PTPRN2: variants seen among roughly 807,000 people sequenced by gnomAD.
PTPRN2 encodes the protein protein tyrosine phosphatase receptor type N2.
PTPRN2 carries 74 observed loss-of-function variants against 118.8 expected under a neutral mutation model. The ratio of observed to expected loss-of-function variants is 0.62; its 90% confidence interval spans 0.52 to 0.76. The LOEUF is 0.76. Among genes scored for constraint, PTPRN2 ranks in the 30% least tolerant of loss-of-function variants. The probability of loss-of-function intolerance (pLI) is 0.00; values close to 1 mark genes in which losing one functional copy is unlikely to be tolerated. For synonymous variants in PTPRN2, 641 were observed against 608.0 expected, an observed-to-expected ratio of 1.05 and a Z score of -0.80; for missense variants, 1,481 against 1,394.4, an observed-to-expected ratio of 1.06 and a Z score of -0.99.
At chr7:158,395,282 A>AGTGAGGG (rs71960689) in intron 2 of PTPRN2, among the ~76,000 whole-genome samples, 1 of 103,286 alleles carries the variant, frequency 9.7e-6, no homozygotes, top group African/African-American at 4.0e-5. Flanking sequence ...TCCCTGCACA[A>AGTGAGGG]GTGAGGGGTG....
intron 3 of PTPRN2, among the ~76,000 whole-genome samples, chr7:158,271,080 GACCCCCTCCACCTGGGCT>G (rs1798474948): frequency 7.1e-5 from 3 of 42,036 alleles, no homozygotes; most frequent in African/African-American, 9.9e-5. Flanking sequence ...CCACCTGGAC[GACCCCCTCCACCTGGGCT>G]GCCCCCTCCA....
intron 14 of PTPRN2, among the ~76,000 whole-genome samples, chr7:157,628,011 T>A (rs1358529668): frequency 6.6e-6 from 1 of 152,210 alleles, no homozygotes. Context: ...ATCCTGCCAG[T>A]CCCTGTCTCA....
At chr7:157,967,422 C>T (rs73745045) in intron 11 of PTPRN2, among the ~76,000 whole-genome samples, 17,539 of 152,056 alleles carry the variant, frequency 0.12, 1,455 homozygotes, top group African/African-American at 0.23. Flanking sequence ...ATGCGGATGA[C>T]GGTAAATGGG....
At chr7:157,573,060 T>G (rs575972240) in intron 19 of PTPRN2, among the ~76,000 whole-genome samples, 1 of 152,226 alleles carries the variant, frequency 6.6e-6, no homozygotes, top group Non-Finnish European at 1.5e-5. Flanking sequence ...GACCCACTTA[T>G]GTCTACTTCT....
At chr7:158,320,580 G>A (rs868100058) in intron 2 of PTPRN2, among the ~76,000 whole-genome samples, 1 of 110,428 alleles carries the variant, frequency 9.1e-6, no homozygotes, top group Non-Finnish European at 1.9e-5. Flanking sequence ...GTGTTCCCAC[G>A]TCCTCGGCAG....
chr7:157,802,804 C>T (rs1292744781), intron 12 of PTPRN2, among the ~76,000 whole-genome samples: 2 of 152,166 alleles, frequency 1.3e-5, no homozygotes, highest in Non-Finnish European at 2.9e-5. Context: ...TTTGCATGTT[C>T]CTGATCATTA....
intron 12 of PTPRN2, among the ~76,000 whole-genome samples, chr7:157,744,423 C>A (rs1377938138): frequency 1.3e-5 from 2 of 152,168 alleles, no homozygotes; most frequent in African/African-American, 4.8e-5. Flanking sequence ...ATCCCAGCAT[C>A]GGGCCGTGAT....
chr7:157,796,429 G>A (rs978625033), intron 12 of PTPRN2, among the ~76,000 whole-genome samples: 3 of 152,238 alleles, frequency 2.0e-5, no homozygotes, highest in African/African-American at 7.2e-5. Context: ...GGGTAAACTG[G>A]CAGCTCTGAG....
intron 11 of PTPRN2, among the ~76,000 whole-genome samples, chr7:157,969,946 C>T (rs933905735): frequency 3.3e-5 from 5 of 151,976 alleles, no homozygotes; most frequent in African/African-American, 4.8e-5. Flanking sequence ...CTGAGGCCAA[C>T]GGGATCCCTG....
intron 2 of PTPRN2, among the ~76,000 whole-genome samples, chr7:158,353,824 T>C (rs1432608348): frequency 6.6e-6 from 1 of 152,170 alleles, no homozygotes; most frequent in African/African-American, 2.4e-5. Context: ...CTTGCCCTGC[T>C]CTTGGGTGCC....
chr7:158,527,542 G>C (rs1824880284), intron 1 of PTPRN2, among the ~76,000 whole-genome samples: 1 of 151,556 alleles, frequency 6.6e-6, no homozygotes, highest in South Asian at 2.1e-4. Flanking sequence ...ATACCGTGGA[G>C]TTGGGATTGT....
At position 157,782,378 on chromosome 7, in the gene PTPRN2, C is replaced by T. The variant is rs994414220; in HGVS notation, c.1789-99441G>A. On this transcript the variant is annotated intron_variant, in intron 12 of 22. Coordinates refer to ENST00000389418, the MANE Select transcript of PTPRN2 (RefSeq NM_002847.5). ...GCCAGGCGGAATCGGTTCCAGCAGG[C>T]GTCTGGGAGGGCCGGTTTGGCCCCA... Among the ~76,000 whole-genome samples, 8 of 152,220 alleles carry T rather than the reference C, an allele frequency of 5.3e-5. No homozygotes were observed. The South Asian group carries it at 6.2e-4, about 12-fold the overall frequency.
intron 11 of PTPRN2, among the ~76,000 whole-genome samples, chr7:157,997,621 A>T (rs1192893388): frequency 6.6e-6 from 1 of 151,726 alleles, no homozygotes; most frequent in Non-Finnish European, 1.5e-5. Context: ...GTCCCTGCAG[A>T]TAAACGTGGG....
intron 12 of PTPRN2, among the ~76,000 whole-genome samples, chr7:157,853,648 C>T (rs973005610): frequency 6.6e-6 from 1 of 152,128 alleles, no homozygotes; most frequent in Non-Finnish European, 1.5e-5. Context: ...GAGCCTCCTC[C>T]ACGGCGGAAC....
At chr7:158,513,517 T>C (rs1823320826) in intron 1 of PTPRN2, among the ~76,000 whole-genome samples, 3 of 152,216 alleles carry the variant, frequency 2.0e-5, no homozygotes, top group African/African-American at 2.4e-5. Context: ...TGTGTACTAA[T>C]GTAGGAAGTT....
chr7:158,343,396 G>A (rs1807218759), intron 2 of PTPRN2, among the ~76,000 whole-genome samples: 1 of 152,164 alleles, frequency 6.6e-6, no homozygotes, highest in South Asian at 2.1e-4. Flanking sequence ...ACGAAACGAA[G>A]CAAAACCGAA....
chr7:157,610,779 A>C lies in PTPRN2; in HGVS notation c.2345-6704T>G, dbSNP rs1251275413. Reference sequence around the variant, plus strand: ...AGCGTGATGACAGAACGCATTCTGAAGGGGCAGGTCCTCTTCCTCCCACAC... The same window carrying C: ...AGCGTGATGACAGAACGCATTCTGACGGGGCAGGTCCTCTTCCTCCCACAC... On this transcript the variant is annotated intron_variant, in intron 15 of 22. Coordinates refer to ENST00000389418, the MANE Select transcript of PTPRN2 (RefSeq NM_002847.5). The surrounding 1 kb of genome is among the most constrained non-coding windows in gnomAD (Gnocchi z 5.1). 6.6e-6 allele frequency among the ~76,000 whole-genome samples: 1 copy of C among 152,238 alleles called. No homozygotes were observed. Among genetic ancestry groups the C allele is most frequent in the African/African-American group, 2.4e-5 (1 of 41,468 alleles).
rs79927232 is a variant in PTPRN2 at position 158,548,921 on chromosome 7, C to A, written c.112+38637G>T. On this transcript the variant is annotated intron_variant, in intron 1 of 22. Coordinates refer to ENST00000389418, the MANE Select transcript of PTPRN2 (RefSeq NM_002847.5). ...AACAGCCTTTCCCAGGAAAGACCTT[C>A]CGGGACCTGCCACCCATCTCCTCCT... Among the ~76,000 whole-genome samples, 3 of 152,330 alleles carry A rather than the reference C, an allele frequency of 2.0e-5. No individual in the cohort carries two copies. In the East Asian group the frequency reaches 5.8e-4, roughly 29 times the overall value.
intron 12 of PTPRN2, among the ~76,000 whole-genome samples, chr7:157,895,170 A>G (rs751935068): frequency 3.3e-5 from 5 of 152,112 alleles, no homozygotes; most frequent in Non-Finnish European, 5.9e-5. Flanking sequence ...GAACAAGACC[A>G]TAAAATAAGC....
Sources: allele counts gnomAD v4.1 joint callset (sites outside exome capture counted in the v4.1 genomes callset), GRCh38; gene constraint gnomAD v4.1.1; non-coding constraint Gnocchi (gnomAD v3.1); transcripts MANE v1.5; gene names NCBI Gene and HGNC (gene_info 2026-07-23, HGNC 2026-07-21).